The following FAF1 variants were observed in gnomAD, a reference collection of about 807,000 sequenced individuals.
The protein encoded by FAF1 is Fas associated factor 1, also known as FAS-associated factor 1.
In FAF1, 25 loss-of-function variants were observed where a neutral mutation model predicts 92.5. The observed-to-expected ratio is 0.27, with a 90% CI of 0.20 to 0.38. FAF1 has a LOEUF of 0.38. Ranked by LOEUF, FAF1 falls within the 10% of genes least tolerant of loss-of-function variation. The pLI, the probability that FAF1 is intolerant of heterozygous loss-of-function variation, is 1.00. For missense variants in FAF1, 636 were observed against 793.3 expected, an observed-to-expected ratio of 0.80 and a Z score of 2.38; for synonymous variants, 234 against 273.2, an observed-to-expected ratio of 0.86 and a Z score of 1.42.
intron 2 of FAF1, among the ~76,000 whole-genome samples, chr1:50,831,671 T>C (rs907012084): frequency 4.6e-5 from 7 of 152,164 alleles, no homozygotes; most frequent in Non-Finnish European, 1.0e-4. Context: ...TCTAAAAAAT[T>C]CATGTCTTTT....
At position 50,959,892 on chromosome 1, in the gene FAF1, ACCGCCGCCGCCG is replaced by A. The variant is rs532415159; in HGVS notation, c.-93_-82del. 11 of 911,336 alleles carry A rather than the reference ACCGCCGCCGCCG, an allele frequency of 1.2e-5. No individual in the cohort carries two copies. The highest frequency in any genetic ancestry group is 3.5e-4 in the Middle Eastern group (1 of 2,854). 56.5% of individuals were successfully genotyped at this position (911,336 alleles called of 1,614,324 possible). A position where few individuals can be genotyped will look rare whatever the true frequency, so the allele number is the denominator to read the frequency against. The stretch of plus-strand genomic sequence containing the variant: ...GGCACCTCCTGCGACCGTCGCCGCC[ACCGCCGCCGCCG>A]CCGCCGGGCGCCGAGGGGCTGGCGG... On this transcript the variant is annotated 5_prime_UTR_variant, in exon 1 of 19. Transcript: ENST00000396153.
At chr1:50,822,188 G>T (rs1033632603) in intron 2 of FAF1, among the ~76,000 whole-genome samples, 1 of 151,758 alleles carries the variant, frequency 6.6e-6, no homozygotes, top group Non-Finnish European at 1.5e-5. Flanking sequence ...TGTAAGAAAT[G>T]TAACCATTCC....
intron 1 of FAF1, among the ~76,000 whole-genome samples, chr1:50,914,755 A>T (rs1384358403): frequency 6.6e-6 from 1 of 152,194 alleles, no homozygotes; most frequent in Non-Finnish European, 1.5e-5. Flanking sequence ...TATACTTAAC[A>T]TATCCCTTCT....
At chr1:50,772,960 A>G (rs1660824882) in intron 4 of FAF1, among the ~76,000 whole-genome samples, 1 of 152,222 alleles carries the variant, frequency 6.6e-6, no homozygotes, top group South Asian at 2.1e-4. Flanking sequence ...CAAGAACAAG[A>G]AATGATTTAA....
At chr1:50,694,911 G>A (rs552808155) in intron 7 of FAF1, among the ~76,000 whole-genome samples, 3 of 151,718 alleles carry the variant, frequency 2.0e-5, no homozygotes, top group African/African-American at 4.8e-5. Flanking sequence ...GCAGGGAGCC[G>A]ACACAGTGCC....
At chr1:50,491,580 T>A (rs1048433629) in intron 16 of FAF1, 141 bp downstream of exon 16, 1 of 579,748 alleles carries the variant, frequency 1.7e-6, no homozygotes, top group Non-Finnish European at 3.1e-6. Flanking sequence ...TAACCATGGA[T>A]AGGATTATAT....
chr1:50,737,642 C>T (rs1465815512), intron 6 of FAF1, among the ~76,000 whole-genome samples: 1 of 152,152 alleles, frequency 6.6e-6, no homozygotes, highest in African/African-American at 2.4e-5. Context: ...AAAGAGCAAT[C>T]CAAGAACTCT....
intron 14 of FAF1, among the ~76,000 whole-genome samples, chr1:50,538,706 T>C (rs921895765): frequency 3.0e-4 from 46 of 152,244 alleles, no homozygotes; most frequent in African/African-American, 1.1e-3. Flanking sequence ...AGGAATGAAG[T>C]GTTATCTTCA....
intron 4 of FAF1, chr1:50,781,116 G>A: frequency 3.1e-6 from 1 of 323,148 alleles, no homozygotes; most frequent in South Asian, 2.6e-5. Flanking sequence ...TTTACCTGCT[G>A]CCAGGGCAGT....
intron 6 of FAF1, among the ~76,000 whole-genome samples, chr1:50,720,192 G>A (rs1447270595): frequency 3.3e-5 from 5 of 152,030 alleles, no homozygotes; most frequent in African/African-American, 1.2e-4. Flanking sequence ...AGTAGAGACG[G>A]GGGTTTGCCA....
intron 17 of FAF1, among the ~76,000 whole-genome samples, chr1:50,490,123 G>C (rs1470093782): frequency 6.6e-6 from 1 of 152,180 alleles, no homozygotes; most frequent in East Asian, 1.9e-4. Context: ...ACTTTGGAAG[G>C]CCAAGGCAGG....
chr1:50,764,698 A>T (rs1660495673), intron 4 of FAF1, among the ~76,000 whole-genome samples: 1 of 152,178 alleles, frequency 6.6e-6, no homozygotes, highest in African/African-American at 2.4e-5. Flanking sequence ...CCAGCTTTCC[A>T]GGTGTGTACA....
At chr1:50,495,510 T>C (rs182464355) in intron 15 of FAF1, among the ~76,000 whole-genome samples, 17 of 152,204 alleles carry the variant, frequency 1.1e-4, no homozygotes, top group Non-Finnish European at 2.2e-4. Context: ...CATTTGCCTA[T>C]TGATGGACAT....
intron 15 of FAF1, among the ~76,000 whole-genome samples, chr1:50,515,876 T>C (rs1394114265): frequency 6.6e-6 from 1 of 152,196 alleles, no homozygotes; most frequent in African/African-American, 2.4e-5. Flanking sequence ...TTCCAAGCTG[T>C]ATCACATACC....
At chr1:50,921,553 G>A (rs1644963282) in intron 1 of FAF1, among the ~76,000 whole-genome samples, 1 of 152,108 alleles carries the variant, frequency 6.6e-6, no homozygotes, top group Non-Finnish European at 1.5e-5. Flanking sequence ...TTTGAGCCCA[G>A]GAGTTCGAGA....
At chr1:50,447,753 T>G (rs959732167) in intron 18 of FAF1, among the ~76,000 whole-genome samples, 1 of 152,208 alleles carries the variant, frequency 6.6e-6, no homozygotes, top group Non-Finnish European at 1.5e-5. Context: ...TCCTCTACAT[T>G]AGACACAGAC....
intron 2 of FAF1, among the ~76,000 whole-genome samples, chr1:50,857,695 A>G (rs1644400826): frequency 6.6e-6 from 1 of 152,008 alleles, no homozygotes; most frequent in Admixed American, 6.6e-5. Context: ...CATAACACAC[A>G]GTAAAATAAG....
At chr1:50,743,175 C>G (rs1291326858) in intron 5 of FAF1, among the ~76,000 whole-genome samples, 2 of 152,178 alleles carry the variant, frequency 1.3e-5, no homozygotes, top group Non-Finnish European at 2.9e-5. Context: ...CTTGCCAACC[C>G]AAACTTCCTG....
intron 16 of FAF1, 90 bp from the exon 17 acceptor site, chr1:50,490,755 GAA>G (rs991123386): frequency 3.5e-6 from 3 of 855,608 alleles, no homozygotes; most frequent in African/African-American, 3.4e-5. Flanking sequence ...AAGAAAAGAG[GAA>G]AGAAAGAGTA....
Sources: allele counts gnomAD v4.1 joint callset (sites outside exome capture counted in the v4.1 genomes callset), GRCh38; gene constraint gnomAD v4.1.1; transcripts MANE v1.5; gene names NCBI Gene and HGNC (gene_info 2026-07-23, HGNC 2026-07-21).